Variants in DGCR8 observed in about 807,000 individuals in gnomAD.
The protein encoded by DGCR8 is microprocessor complex subunit DGCR8.
A neutral mutation model predicts 78.5 loss-of-function variants in DGCR8; 14 were observed. The ratio of observed to expected loss-of-function variants is 0.18; its 90% CI spans 0.12 to 0.28. The LOEUF is 0.28. Ranked by LOEUF, DGCR8 falls within the 10% of genes least tolerant of loss-of-function variation. The pLI, the probability that DGCR8 is intolerant of heterozygous loss-of-function variation, is 1.00. For missense variants in DGCR8, 702 were observed against 1,022.5 expected (o/e 0.69, Z 4.28); for synonymous variants, 399 against 402.4 (o/e 0.99, Z 0.10).
intron 9 of DGCR8, among the ~76,000 whole-genome samples, chr22:20,095,672 TGGG>T (rs1320489992): frequency 6.6e-6 from 1 of 152,138 alleles, no homozygotes; most frequent in Non-Finnish European, 1.5e-5. Flanking sequence ...CAGACGGTGT[TGGG>T]GGGCGGGGAT....
intron 11 of DGCR8, 134 bp from the exon 12 acceptor site, chr22:20,107,137 G>A (rs2049780373): frequency 2.8e-5 from 26 of 942,310 alleles, no homozygotes; most frequent in South Asian, 2.1e-4. Context: ...CAGTGGCAGA[G>A]TGCTGCCTAT....
chr22:20,099,492 G>A (rs1470336967), intron 9 of DGCR8, among the ~76,000 whole-genome samples: 2 of 152,196 alleles, frequency 1.3e-5, no homozygotes, highest in African/African-American at 4.8e-5. Flanking sequence ...CTGGGGCCTT[G>A]AGGACCCGTT....
Position 20,087,746 on chromosome 22 carries a change from A to G in DGCR8, c.880+425A>G, listed in dbSNP as rs1197619285. ...GTGTCACAGGAAGCCACCAGAAGCA[A>G]GTGGTGTTACCTGATTTTTGTTTAA... is the stretch of plus-strand genomic sequence containing the variant. On this transcript the variant is annotated intron_variant, in intron 3 of 13. Coordinates refer to ENST00000351989, the MANE Select transcript of DGCR8 (RefSeq NM_022720.7). The surrounding 1 kb of genome is among the most constrained non-coding windows in gnomAD (Gnocchi z 4.1). 1.3e-5 allele frequency among the ~76,000 whole-genome samples: 2 copies of G among 152,158 alleles called. No homozygotes were observed. The highest frequency in any genetic ancestry group is 2.9e-5 in the Non-Finnish European group (2 of 68,016).
In DGCR8 at chr22:20,085,470, G is replaced by A. The variant is rs1181539345; in HGVS notation, c.-277-217G>A. On this transcript the variant is annotated intron_variant, in intron 1 of 13. Coordinates refer to ENST00000351989, the MANE Select transcript of DGCR8 (RefSeq NM_022720.7). This position sits in a 1 kb window ranked among gnomAD's most constrained non-coding sequence, Gnocchi z 6.2. ...TGTTTCTGAAGTAGGAATTAAAGTG[G>A]GCATTAACAAAATATTTAACTTTGG... Among the ~76,000 whole-genome samples, 1 of 152,098 alleles carries A rather than the reference G, an allele frequency of 6.6e-6. No individual in the cohort carries two copies. The highest frequency in any genetic ancestry group is 2.4e-5 in the African/African-American group (1 of 41,402).
At chr22:20,090,642 A>G (rs2049545044) in intron 5 of DGCR8, among the ~76,000 whole-genome samples, 1 of 152,194 alleles carries the variant, frequency 6.6e-6, no homozygotes, top group Admixed American at 6.5e-5. Flanking sequence ...TCTTTAATCC[A>G]TGACTCAGTG....
In DGCR8 at chr22:20,093,215, C is replaced by T. The variant is rs562110555; in HGVS notation, c.1705+308C>T. On this transcript the variant is annotated intron_variant, in intron 8 of 13. Coordinates refer to ENST00000351989, the MANE Select transcript of DGCR8 (RefSeq NM_022720.7). ...GGTCAGGAGATCGAGACCATCCTGG[C>T]TAACACGGTGAAACCCTCTCTCTAC... Among the ~76,000 whole-genome samples, 13 of 152,102 alleles carry T rather than the reference C, an allele frequency of 8.5e-5. No homozygotes were observed. The South Asian group carries it at 2.3e-3, about 27-fold the overall frequency.
chr22:20,103,349 AAT>A (rs1397079639), intron 9 of DGCR8, among the ~76,000 whole-genome samples: 1 of 151,720 alleles, frequency 6.6e-6, no homozygotes, highest in East Asian at 1.9e-4. Context: ...TTTATAGTTA[AAT>A]ATTTTATGTA....
Position 20,106,639 on chromosome 22 carries a change from G to T in DGCR8, c.1937G>T (p.Gly646Val). The change falls in exon 11 of 14, where the codon GGG becomes GTG. Residue 646 changes from glycine to valine, a missense_variant. By Grantham distance (109) the Gly-to-Val change is moderately radical. Around this residue, in one of 4 missense-constraint regions of DGCR8, gnomAD observed 225 missense variants for 427.7 expected, o/e 0.53. Coordinates refer to ENST00000351989, the MANE Select transcript of DGCR8 (RefSeq NM_022720.7). ...DTSIKFEVVPGKNQKSEYVMA... is the reference protein window; with the variant it reads ...DTSIKFEVVPVKNQKSEYVMA... ...TCTATCAAGTTTGAAGTGGTTCCTG[G>T]GAAAAACCAGAAGAGTGAATACGTC... is the stretch of plus-strand genomic sequence containing the variant. 6.2e-7 allele frequency: 1 copy of T among 1,614,060 alleles called. No individual in the cohort carries two copies. Among genetic ancestry groups the T allele is most frequent in the Non-Finnish European group, 8.5e-7 (1 of 1,179,906 alleles).
chr22:20,091,096 C>T (rs1324614036), intron 5 of DGCR8, among the ~76,000 whole-genome samples: 2 of 152,202 alleles, frequency 1.3e-5, no homozygotes, highest in South Asian at 2.1e-4. Context: ...GCGCATGGAG[C>T]CCGGGTGCTG....
chr22:20,092,508 G>T (rs1479668108), intron 7 of DGCR8, among the ~76,000 whole-genome samples: 1 of 152,166 alleles, frequency 6.6e-6, no homozygotes, highest in Non-Finnish European at 1.5e-5. Flanking sequence ...TCCTGTGTCC[G>T]TCTTTCGTAG....
intron 13 of DGCR8, among the ~76,000 whole-genome samples, 153 bp from the exon 14 acceptor site, chr22:20,109,872 C>G (rs2049814434): frequency 6.6e-6 from 1 of 152,236 alleles, no homozygotes; most frequent in Admixed American, 6.5e-5. Flanking sequence ...CAGGCCTTCC[C>G]TGCTCCTCCT....
intron 13 of DGCR8, among the ~76,000 whole-genome samples, chr22:20,109,538 C>T (rs969911446): frequency 5.9e-5 from 9 of 152,216 alleles, no homozygotes; most frequent in Admixed American, 2.0e-4. Context: ...TATCTGCTGC[C>T]GCCCAGGCCA....
In DGCR8 at chr22:20,107,542, TG is replaced by T; in HGVS notation, c.2124+145del. The T allele has an allele frequency of 2.9e-6, 3 of 1,021,090 alleles. No individual in the cohort carries two copies. In the South Asian group the frequency reaches 4.5e-5, roughly 15 times the overall value. The allele number at this position is 1,021,090 out of a possible 1,614,324, so 63.3% of individuals were successfully genotyped here. ...CTCTCCTGGGCCACTTGTGTGGCTT[TG>T]TGGGCAGGGGTGGGGTCGTCCCAGC... On this transcript the variant is annotated intron_variant, in intron 12 of 13. Coordinates refer to ENST00000351989, the MANE Select transcript of DGCR8 (RefSeq NM_022720.7).
chr22:20,092,087 A>G lies in DGCR8; in HGVS notation c.1606+117A>G, dbSNP rs528434922. 80 of 788,316 alleles carry G rather than the reference A, an allele frequency of 1.0e-4. 1 individual carries two copies. The South Asian group carries it at 1.2e-3, about 12-fold the overall frequency. The allele number at this position is 788,316 out of a possible 1,614,324, so 48.8% of individuals were successfully genotyped here. The stretch of plus-strand genomic sequence containing the variant: ...CTCTACTGGAACGGGAGGAAAGGGA[A>G]GGGTAGAGAGCAGCGTGCTGCAGAT... On this transcript the variant is annotated intron_variant, in intron 7 of 13. Transcript: ENST00000351989.
intron 9 of DGCR8, chr22:20,101,713 G>A (rs1229567664): frequency 3.0e-6 from 3 of 985,418 alleles, no homozygotes; most frequent in Non-Finnish European, 2.4e-6. Flanking sequence ...TTCCTGGGAA[G>A]TTTCTATTTG....
At chr22:20,083,121 C>T (rs1194035882) in intron 1 of DGCR8, among the ~76,000 whole-genome samples, 1 of 152,190 alleles carries the variant, frequency 6.6e-6, no homozygotes. Flanking sequence ...TCCTCCCAGC[C>T]CTGTAACCCA....
intron 12 of DGCR8, chr22:20,107,635 G>A (rs1176354493): frequency 5.5e-6 from 3 of 545,862 alleles, no homozygotes; most frequent in Admixed American, 3.2e-5. Context: ...CGCAGGCTGG[G>A]CCCAGCTATG....
chr22:20,085,967 G>T lies in DGCR8; in HGVS notation c.4G>T (p.Glu2Ter). 5.1e-6 allele frequency: 8 copies of T among 1,568,628 alleles called. No homozygotes were observed. Among genetic ancestry groups the T allele is most frequent in the Non-Finnish European group, 6.9e-6 (8 of 1,159,266 alleles). M[E>*]TDESPSPLPC... Reference sequence around the variant, plus strand: ...ACTAGTCTTAAGCGCTTTTAATATGGAGACAGATGAGAGCCCCTCTCCGCT... The same window carrying T: ...ACTAGTCTTAAGCGCTTTTAATATGTAGACAGATGAGAGCCCCTCTCCGCT... Residue 2 changes from glutamate to a stop codon, truncating the protein, a stop_gained, in exon 2 of 14, where the codon GAG becomes TAG. Coordinates refer to ENST00000351989, the MANE Select transcript of DGCR8 (RefSeq NM_022720.7). LOFTEE classifies it high-confidence loss of function. This position sits in a 1 kb window ranked among gnomAD's most constrained non-coding sequence, Gnocchi z 6.2.
At chr22:20,094,493 C>T (rs1272638781) in intron 8 of DGCR8, among the ~76,000 whole-genome samples, 5 of 152,250 alleles carry the variant, frequency 3.3e-5, no homozygotes, top group African/African-American at 7.2e-5. Flanking sequence ...AGAGCGCACA[C>T]ACCCAGTGTG....
Sources: gnomAD v4.1 joint callset for allele counts (sites outside exome capture counted in the v4.1 genomes callset) on GRCh38, gnomAD v4.1.1 for gene constraint, gnomAD v4.1.1 regional missense constraint, Gnocchi (gnomAD v3.1) non-coding constraint, MANE v1.5 for transcripts, NCBI Gene and HGNC (gene_info 2026-07-23, HGNC 2026-07-21) for gene names.